Variants in CES1 observed in about 807,000 individuals in gnomAD.
The protein encoded by CES1 is liver carboxylesterase 1.
CES1 carries 50 observed loss-of-function variants against 53.0 expected under a neutral mutation model. The ratio of observed to expected loss-of-function variants is 0.94; its 90% CI spans 0.75 to 1.19. CES1 has a LOEUF of 1.19. Ranked by LOEUF, CES1 falls within the 50% of genes most tolerant of loss-of-function variation. The pLI, the probability that CES1 is intolerant of heterozygous loss-of-function variation, is 0.00. For synonymous variants in CES1, 202 were observed against 210.1 expected (o/e 0.96, Z 0.33); for missense variants, 534 against 538.0 (o/e 0.99, Z 0.07).
Position 55,812,954 on chromosome 16 carries a change from GA to G in CES1, c.1034del (p.Val345AlafsTer15). 1 of 1,614,078 alleles carries G rather than the reference GA, an allele frequency of 6.2e-7. No individual in the cohort carries two copies. ...ELQAERNFHT[V>X]PYMVGINKQE... ...GCTTGTTAATTCCGACCATGTAGGG[GA>G]CAGTGTGGAAATTCCTTTCAGCTTG... is the stretch of plus-strand genomic sequence containing the variant. On this transcript the variant is annotated frameshift_variant, in exon 9 of 14. Coordinates refer to ENST00000360526, the MANE Select transcript of CES1 (RefSeq NM_001025195.2). LOFTEE classifies it high-confidence loss of function.
intron 8 of CES1, 93 bp downstream of exon 8, chr16:55,816,831 A>T: frequency 7.0e-7 from 1 of 1,428,246 alleles, no homozygotes; most frequent in Non-Finnish European, 9.9e-7. Context: ...AGTTACTATA[A>T]TTACCCAAGA....
At chr16:55,811,079 C>T in intron 9 of CES1, 69 bp from the exon 10 acceptor site, 2 of 1,280,896 alleles carry the variant, frequency 1.6e-6, no homozygotes, top group Non-Finnish European at 1.1e-6. Flanking sequence ...AACTGACCAA[C>T]CAACCAAACC....
At chr16:55,821,165 A>G (rs2032172520) in intron 5 of CES1, among the ~76,000 whole-genome samples, 1 of 152,118 alleles carries the variant, frequency 6.6e-6, no homozygotes, top group Admixed American at 6.5e-5. Flanking sequence ...GCCCCAGGAC[A>G]CTAAGCTGAG....
chr16:55,810,936 A>T lies in CES1; in HGVS notation c.1161T>A (p.Tyr387Ter). The change falls in exon 10 of 14, where the codon TAT (tyrosine) becomes TAA (stop). Residue 387 changes from tyrosine (Y) to a stop codon, truncating the protein, a stop_gained. Transcript: ENST00000360526. LOFTEE classifies it high-confidence loss of function. ...KTAMSLLWKSYPLVCIAKELI... is the reference protein window; with the variant it reads ...KTAMSLLWKS The stretch of plus-strand genomic sequence containing the variant: ...ATTCCTAGACTCTTACAACAAGGGG[A>T]TAGGACTTCCACAGGAGTGACATGG... 6.2e-7 allele frequency: 1 copy of T among 1,613,490 alleles called. No individual in the cohort carries two copies.
At chr16:55,831,107 C>T (rs375351439) in intron 1 of CES1, among the ~76,000 whole-genome samples, 16 of 151,740 alleles carry the variant, frequency 1.1e-4, no homozygotes, top group South Asian at 2.1e-4. Flanking sequence ...AGGGTACATA[C>T]GGTGGATGTG....
intron 1 of CES1, among the ~76,000 whole-genome samples, chr16:55,831,965 T>C (rs1438494170): frequency 1.3e-5 from 2 of 150,710 alleles, no homozygotes; most frequent in African/African-American, 2.4e-5. Context: ...TCTGATGCTC[T>C]GGCATCTGAG....
At chr16:55,831,358 G>T (rs1421258926) in intron 1 of CES1, among the ~76,000 whole-genome samples, 1 of 151,346 alleles carries the variant, frequency 6.6e-6, no homozygotes, top group East Asian at 1.9e-4. Context: ...CTCAGCTCAG[G>T]GATTCCCTTC....
chr16:55,824,250 G>T (rs1355573673), intron 3 of CES1, among the ~76,000 whole-genome samples: 2 of 152,240 alleles, frequency 1.3e-5, no homozygotes, highest in Admixed American at 1.3e-4. Context: ...ACCCACTTCA[G>T]GATGCCTTCA....
rs779945516 is a variant in CES1, at chr16:55,821,439, T to A, written c.622A>T (p.Ser208Cys). Residue 208 changes from serine to cysteine, a missense_variant, in exon 5 of 14, where the codon AGC becomes TGC. Transcript: ENST00000360526. ...ALRWVQDNIA[S>C]FGGNPGSVTI... ...ACAGAGCCTGGGTTCCCTCCAAAGC[T>A]GGCAATGTTGTCCTGGACCCAGCGC... 6.2e-7 allele frequency: 1 copy of A among 1,614,066 alleles called. No homozygotes were observed. The highest frequency in any genetic ancestry group is 1.7e-5 in the Admixed American group (1 of 60,002).
At position 55,812,832 on chromosome 16, in the gene CES1, A is replaced by T. The variant is rs1383522488; in HGVS notation, c.1086+71T>A. ...CAGAGTGCAGCTCGGAGAGGGAAGC[A>T]TTCCTGGGACCAGAGACAGGAGGGC... is the stretch of plus-strand genomic sequence containing the variant. On this transcript the variant is annotated intron_variant, in intron 9 of 13. Transcript: ENST00000360526. The T allele has an allele frequency of 4.4e-6, 7 of 1,602,776 alleles. No homozygotes were observed. The African/African-American group carries it at 9.4e-5, about 21-fold the overall frequency.
chr16:55,820,282 C>A, intron 6 of CES1, 90 bp downstream of exon 6: 6 of 838,694 alleles, frequency 7.2e-6, no homozygotes, highest in Non-Finnish European at 7.8e-6. Context: ...TTAGCTACAA[C>A]CGACCACAAG....
At chr16:55,830,438 C>A (rs758543605) in intron 1 of CES1, among the ~76,000 whole-genome samples, 1 of 152,022 alleles carries the variant, frequency 6.6e-6, no homozygotes, top group African/African-American at 2.4e-5. Flanking sequence ...TCCCCCCCAT[C>A]TTAATTATTT....
intron 2 of CES1, among the ~76,000 whole-genome samples, chr16:55,826,689 G>A (rs1341710395): frequency 1.3e-5 from 2 of 152,184 alleles, no homozygotes; most frequent in Admixed American, 6.5e-5. Context: ...TTTATGGGGT[G>A]ACCTTGGGTG....
At position 55,819,568 on chromosome 16, in the gene CES1, C is replaced by T. The variant is rs377103031; in HGVS notation, c.873G>A (p.Thr291=). The T allele has an allele frequency of 2.2e-5, 35 of 1,614,000 alleles. No individual in the cohort carries two copies. The highest frequency in any genetic ancestry group is 1.3e-4 in the African/African-American group (10 of 74,914). ...AVMVHCLRQK[T]EEELLETTLK... ...ATGTCGTCTCCAAGAGCTCCTCTTCCGTCTTCTGTCGCAGGCAGTGAACCA... is the reference window on the plus strand; with the variant it reads ...ATGTCGTCTCCAAGAGCTCCTCTTCTGTCTTCTGTCGCAGGCAGTGAACCA... The change falls in exon 7 of 14, where the codon ACG becomes ACA. Residue 291 remains threonine, a synonymous_variant. Coordinates refer to ENST00000360526, the MANE Select transcript of CES1 (RefSeq NM_001025195.2).
intron 7 of CES1, among the ~76,000 whole-genome samples, chr16:55,817,345 A>G (rs1689299538): frequency 6.6e-6 from 1 of 152,174 alleles, no homozygotes. Flanking sequence ...ATATCCTATG[A>G]TCATCTGGAC....
intron 3 of CES1, 44 bp from the exon 4 acceptor site, chr16:55,823,727 C>A: frequency 6.2e-7 from 1 of 1,612,902 alleles, no homozygotes; most frequent in South Asian, 1.1e-5. Flanking sequence ...GACACAGAGC[C>A]AGGGAGCACT....
intron 8 of CES1, 126 bp downstream of exon 8, chr16:55,816,798 G>T: frequency 1.7e-6 from 2 of 1,202,318 alleles, no homozygotes; most frequent in Non-Finnish European, 2.5e-6. Flanking sequence ...CCCCTCTCTG[G>T]GCCTCAGAAA....
At chr16:55,811,333 G>C (rs550790671) in intron 9 of CES1, among the ~76,000 whole-genome samples, 3 of 152,200 alleles carry the variant, frequency 2.0e-5, no homozygotes, top group Non-Finnish European at 2.9e-5. Context: ...CAGTGACATG[G>C]AGATGCAAGG....
At chr16:55,828,156 T>C in intron 2 of CES1, 1 of 178,292 alleles carries the variant, frequency 5.6e-6, no homozygotes, top group Non-Finnish European at 1.2e-5. Context: ...CTTCCTACCC[T>C]GGGGAGTGAT....
Sources: gnomAD v4.1 joint callset for allele counts (sites outside exome capture counted in the v4.1 genomes callset) on GRCh38, gnomAD v4.1.1 for gene constraint, MANE v1.5 for transcripts, NCBI Gene and HGNC (gene_info 2026-07-23, HGNC 2026-07-21) for gene names.